TTC6: variants seen among roughly 807,000 people sequenced by gnomAD.
TTC6 encodes the protein tetratricopeptide repeat protein 6.
TTC6 carries 172 observed loss-of-function variants against 210.4 expected under a neutral mutation model. The observed-to-expected ratio is 0.82, with a 90% CI of 0.72 to 0.93. TTC6 has a LOEUF of 0.93. TTC6 is among the 40% of genes least tolerant of loss of function. The probability of loss-of-function intolerance (pLI) is 0.00; values close to 1 mark genes in which losing one functional copy is unlikely to be tolerated. For missense variants in TTC6, 2,414 were observed against 2,318.1 expected (o/e 1.04, Z -0.85); for synonymous variants, 804 against 819.6 (o/e 0.98, Z 0.32).
intron 20 of TTC6, among the ~76,000 whole-genome samples, chr14:37,800,533 T>G (rs141144830): frequency 8.5e-5 from 13 of 152,244 alleles, no homozygotes; most frequent in Non-Finnish European, 1.6e-4. Flanking sequence ...GGACAACACT[T>G]TGCTAAGAAC....
At chr14:37,650,609 C>T (rs74969500) in intron 1 of TTC6, among the ~76,000 whole-genome samples, 1 of 152,282 alleles carries the variant, frequency 6.6e-6, no homozygotes, top group African/African-American at 2.4e-5. Context: ...TCTTTTGCCT[C>T]TAAAGCCTTT....
At chr14:37,809,999 A>G (rs569993781) in intron 24 of TTC6, among the ~76,000 whole-genome samples, 38 of 152,198 alleles carry the variant, frequency 2.5e-4, no homozygotes, top group Non-Finnish European at 4.7e-4. Flanking sequence ...CACACTCTCC[A>G]TTCTGTGAAA....
At chr14:37,649,602 A>G (rs1479313192) in intron 1 of TTC6, among the ~76,000 whole-genome samples, 2 of 152,212 alleles carry the variant, frequency 1.3e-5, no homozygotes, top group Admixed American at 1.3e-4. Context: ...AAAGCCGGAA[A>G]GAGGCTCTTG....
At chr14:37,608,682 A>T (rs2095629392) in intron 2 of TTC6, among the ~76,000 whole-genome samples, 1 of 152,150 alleles carries the variant, frequency 6.6e-6, no homozygotes, top group Non-Finnish European at 1.5e-5. Flanking sequence ...TAAAGACATG[A>T]TTTTAATATT....
chr14:37,761,293 C>A (rs2095983773), intron 14 of TTC6, among the ~76,000 whole-genome samples: 1 of 151,784 alleles, frequency 6.6e-6, no homozygotes, highest in South Asian at 2.1e-4. Flanking sequence ...AGGCAACACC[C>A]CACCCTGCTT....
chr14:37,841,638 A>G, exon 30 of TTC6: 1 of 1,603,852 alleles, frequency 6.2e-7, no homozygotes, highest in Non-Finnish European at 8.5e-7. Context: ...TGCTTAAAGC[A>G]ATATGAACTA....
chr14:37,653,029 T>C (rs1377728442), intron 1 of TTC6, among the ~76,000 whole-genome samples: 1 of 152,250 alleles, frequency 6.6e-6, no homozygotes, highest in Non-Finnish European at 1.5e-5. Context: ...TTATACACAT[T>C]TAAATGTCTT....
intron 14 of TTC6, among the ~76,000 whole-genome samples, chr14:37,755,200 G>T (rs1375370452): frequency 1.3e-5 from 2 of 151,784 alleles, no homozygotes; most frequent in East Asian, 1.9e-4. Flanking sequence ...AGAAGTGTAT[G>T]TTCACATTCT....
At chr14:37,682,627 T>C in intron 2 of TTC6, 131 bp from the exon 5 acceptor site, 1 of 744,072 alleles carries the variant, frequency 1.3e-6, no homozygotes, top group African/African-American at 1.8e-5. Context: ...CAGAGGAAAC[T>C]CATCACCTAT....
intron 14 of TTC6, among the ~76,000 whole-genome samples, chr14:37,772,892 C>G (rs930679036): frequency 3.9e-5 from 6 of 152,152 alleles, no homozygotes; most frequent in Admixed American, 1.3e-4. Flanking sequence ...TATAAGCATT[C>G]CCTTTTCTTG....
At chr14:37,655,313 G>GA (rs1490903630) in intron 1 of TTC6, among the ~76,000 whole-genome samples, 1 of 151,932 alleles carries the variant, frequency 6.6e-6, no homozygotes, top group Non-Finnish European at 1.5e-5. Flanking sequence ...AAAATTCTAG[G>GA]AAAAAAATGG....
At chr14:37,620,739 A>G (rs1422467994), upstream of TTC6, among the ~76,000 whole-genome samples, 2 of 152,198 alleles carry the variant, frequency 1.3e-5, no homozygotes, top group Non-Finnish European at 2.9e-5. Flanking sequence ...TGAATAACAG[A>G]AGTTTTATTA....
chr14:37,770,506 A>G (rs1326993564), intron 14 of TTC6, among the ~76,000 whole-genome samples: 1 of 151,730 alleles, frequency 6.6e-6, no homozygotes, highest in Non-Finnish European at 1.5e-5. Flanking sequence ...GTGCATATAT[A>G]TTTAGGATAG....
chr14:37,658,385 G>A (rs1263433939), intron 1 of TTC6, among the ~76,000 whole-genome samples: 2 of 152,162 alleles, frequency 1.3e-5, no homozygotes, highest in African/African-American at 4.8e-5. Flanking sequence ...TGGAACAAAG[G>A]AGAGACCATG....
chr14:37,828,270 T>A (rs1361996402), intron 29 of TTC6, among the ~76,000 whole-genome samples: 3 of 152,146 alleles, frequency 2.0e-5, no homozygotes, highest in African/African-American at 2.4e-5. Context: ...TCTTAATTTT[T>A]AAATTTTTCC....
At chr14:37,703,567 T>A (rs2095829643) in intron 5 of TTC6, among the ~76,000 whole-genome samples, 1 of 152,172 alleles carries the variant, frequency 6.6e-6, no homozygotes, top group African/African-American at 2.4e-5. Context: ...ATTTGATGGC[T>A]TTTTGCATTT....
At chr14:37,604,773 G>A (rs867633913) in intron 1 of TTC6, among the ~76,000 whole-genome samples, 1 of 152,092 alleles carries the variant, frequency 6.6e-6, no homozygotes, top group African/African-American at 2.4e-5. Context: ...AGATGAGAAA[G>A]CAAGACTCTT....
chr14:37,828,898 A>G (rs1380613601), intron 29 of TTC6, among the ~76,000 whole-genome samples: 1 of 152,006 alleles, frequency 6.6e-6, no homozygotes, highest in African/African-American at 2.4e-5. Context: ...GAGGGTTCCT[A>G]TATATTTCTC....
chr14:37,810,752 A>C (rs2096127913), intron 24 of TTC6, among the ~76,000 whole-genome samples: 1 of 152,208 alleles, frequency 6.6e-6, no homozygotes, highest in Admixed American at 6.5e-5. Context: ...CTTTCTGCAG[A>C]AAATGCACTT....
Sources: gnomAD v4.1 joint callset for allele counts (sites outside exome capture counted in the v4.1 genomes callset) on GRCh38, gnomAD v4.1.1 for gene constraint, MANE v1.5 for transcripts, NCBI Gene and HGNC (gene_info 2026-07-23, HGNC 2026-07-21) for gene names.